Variants in MRPS9 observed in about 807,000 individuals in gnomAD.
MRPS9 encodes mitochondrial ribosomal protein S9.
A neutral mutation model predicts 59.9 loss-of-function variants in MRPS9; 45 were observed. That is an observed-to-expected ratio of 0.75 (90% CI 0.59 to 0.96). MRPS9 has a LOEUF of 0.96. MRPS9 is among the 40% of genes least tolerant of loss of function. MRPS9 has a pLI of 0.00. For missense variants in MRPS9, 473 were observed against 481.1 expected, an observed-to-expected ratio of 0.98 and a Z score of 0.16; for synonymous variants, 171 against 166.8, an observed-to-expected ratio of 1.03 and a Z score of -0.19.
intron 2 of MRPS9, among the ~76,000 whole-genome samples, chr2:105,068,088 G>C (rs1035697830): frequency 6.6e-6 from 1 of 152,100 alleles, no homozygotes; most frequent in African/African-American, 2.4e-5. Flanking sequence ...CTTACACCTA[G>C]AATCAGCCAT....
At chr2:105,078,315 A>AGTGTGTGT (rs71250682) in intron 4 of MRPS9, among the ~76,000 whole-genome samples, 2,939 of 147,436 alleles carry the variant, frequency 0.02, 89 homozygotes, top group African/African-American at 0.056. Context: ...GGTGAAGTCA[A>AGTGTGTGT]GTGTGTGTGT....
chr2:105,063,499 AAG>A (rs1332431126), intron 2 of MRPS9, among the ~76,000 whole-genome samples: 4 of 152,222 alleles, frequency 2.6e-5, no homozygotes, highest in African/African-American at 7.2e-5. Context: ...CATACAGAAA[AAG>A]AGAATGTCTG....
chr2:105,093,643 G>A lies in MRPS9; in HGVS notation c.929+5G>A, dbSNP rs745401625. 4.0e-5 allele frequency: 61 copies of A among 1,525,560 alleles called. No homozygotes were observed. Among genetic ancestry groups the A allele is most frequent in the African/African-American group, 9.8e-5 (7 of 71,758 alleles). The allele number at this position is 1,525,560 out of a possible 1,614,324, so 94.5% of individuals were successfully genotyped here. On this transcript the variant is annotated splice_donor_5th_base_variant and intron_variant, in intron 9 of 10. Transcript: ENST00000258455. ...CTTCCCGATCACACAGGACAGGTTC[G>A]TTTTGGGTTCTGATTTTTTGTTTTT...
intron 10 of MRPS9, chr2:105,098,130 C>A (rs1456528605): frequency 6.6e-6 from 1 of 152,154 alleles, no homozygotes; most frequent in Non-Finnish European, 1.5e-5. Context: ...CTCTGTGTAA[C>A]CCTGTTACCT....
intron 9 of MRPS9, 22 bp from the exon 10 acceptor site, chr2:105,097,133 A>C (rs1680677575): frequency 6.8e-7 from 1 of 1,465,968 alleles, no homozygotes; most frequent in Non-Finnish European, 9.1e-7. Context: ...ACGTAACCAC[A>C]TTTACTTGTG....
At chr2:105,096,632 T>TCA (rs1156623775) in intron 9 of MRPS9, among the ~76,000 whole-genome samples, 1 of 152,178 alleles carries the variant, frequency 6.6e-6, no homozygotes, top group African/African-American at 2.4e-5. Context: ...GTGTTTGGTG[T>TCA]CAGGGAAGTG....
Position 105,080,049 on chromosome 2 carries a change from A to G in MRPS9, c.476A>G (p.Tyr159Cys), listed in dbSNP as rs764645292. ...YLFYTGKQSY[Y>C]SLMHDVYGML... ...TTCTATACTGGCAAACAGTCATACTATTCATTAATGCATGTAAGTATATTG... is the reference window on the plus strand; with the variant it reads ...TTCTATACTGGCAAACAGTCATACTGTTCATTAATGCATGTAAGTATATTG... The change falls in exon 5 of 11, where the codon TAT (tyrosine) becomes TGT (cysteine). Residue 159 changes from tyrosine to cysteine, a missense_variant. By Grantham distance (194) the Tyr-to-Cys change is radical. Coordinates refer to ENST00000258455, the MANE Select transcript of MRPS9 (RefSeq NM_182640.3). 1.2e-6 allele frequency: 2 copies of G among 1,604,264 alleles called. No individual in the cohort carries two copies. The highest frequency in any genetic ancestry group is 1.7e-6 in the Non-Finnish European group (2 of 1,172,986).
chr2:105,093,194 T>C (rs1680594500), intron 8 of MRPS9, among the ~76,000 whole-genome samples: 1 of 152,212 alleles, frequency 6.6e-6, no homozygotes, highest in Admixed American at 6.5e-5. Flanking sequence ...ATATTCTTAC[T>C]GTTTATAAAA....
chr2:105,045,006 T>C, intron 1 of MRPS9, among the ~76,000 whole-genome samples: 1 of 152,012 alleles, frequency 6.6e-6, no homozygotes, highest in East Asian at 1.9e-4. Context: ...AGCTAAAAAT[T>C]CATAGTGGCT....
At chr2:105,083,170 C>CA (rs1239165700) in intron 5 of MRPS9, among the ~76,000 whole-genome samples, 1 of 152,078 alleles carries the variant, frequency 6.6e-6, no homozygotes, top group Non-Finnish European at 1.5e-5. Context: ...TTTCCTGAAA[C>CA]AATTGAGCAA....
rs1679433759 is a variant in MRPS9, at chr2:105,038,444, G to A, written c.135+217G>A. 6.8e-6 allele frequency: 4 copies of A among 588,120 alleles called. 1 individual carries two copies. The South Asian group carries it at 8.1e-5, about 12-fold the overall frequency. The allele number at this position is 588,120 out of a possible 1,614,324, so 36.4% of individuals were successfully genotyped here. On this transcript the variant is annotated intron_variant, in intron 1 of 10. Coordinates refer to ENST00000258455, the MANE Select transcript of MRPS9 (RefSeq NM_182640.3). Reference sequence around the variant, plus strand: ...TTGTTTTTTTGCGGGGTGCAGCGAGGGGAACTTACCTGAAGGTAGAAGTGG... The same window carrying A: ...TTGTTTTTTTGCGGGGTGCAGCGAGAGGAACTTACCTGAAGGTAGAAGTGG...
chr2:105,073,321 T>TGCAAACTTCTAAATG (rs772916180), intron 4 of MRPS9, among the ~76,000 whole-genome samples: 11 of 152,282 alleles, frequency 7.2e-5, no homozygotes, highest in Non-Finnish European at 1.5e-4. Context: ...CTTCTATATA[T>TGCAAACTTCTAAATG]CCCTGCAAAA....
chr2:105,043,929 G>A lies in MRPS9; in HGVS notation c.136-5242G>A, dbSNP rs376196176. On this transcript the variant is annotated intron_variant, in intron 1 of 10. Transcript: ENST00000258455. ...ATTACAGGCGTGAGTCACCACGCCC[G>A]GCTGCAATTTTTTTTTTTTTTTCTA... is the stretch of plus-strand genomic sequence containing the variant. Among the ~76,000 whole-genome samples the A allele has an allele frequency of 3.0e-3, 444 of 149,968 alleles. 2 individuals carry two copies. The highest frequency in any genetic ancestry group is 0.01 in the African/African-American group (426 of 40,728).
intron 2 of MRPS9, among the ~76,000 whole-genome samples, chr2:105,055,573 A>G (rs1450221851): frequency 6.7e-6 from 1 of 150,294 alleles, no homozygotes; most frequent in Admixed American, 6.7e-5. Flanking sequence ...ATTGCATTTT[A>G]TTAAATATAG....
At chr2:105,099,565 A>C (rs1680745696) in intron 10 of MRPS9, 105 bp from the exon 11 acceptor site, 2 of 1,020,484 alleles carry the variant, frequency 2.0e-6, no homozygotes, top group Admixed American at 5.5e-5. Context: ...GCTTTCCTCT[A>C]GTTTTTTTTC....
chr2:105,087,800 T>TTTCCTTCCGTCCTTCCTTCC, intron 5 of MRPS9, among the ~76,000 whole-genome samples: 1 of 138,698 alleles, frequency 7.2e-6, no homozygotes, highest in Non-Finnish European at 1.6e-5. Context: ...TCCTGCCTTT[T>TTTCCTTCCGTCCTTCCTTCC]TTCCTTCCTT....
chr2:105,080,976 C>G (rs1260017294), intron 5 of MRPS9, among the ~76,000 whole-genome samples: 2 of 152,018 alleles, frequency 1.3e-5, no homozygotes, highest in Non-Finnish European at 2.9e-5. Context: ...CTTGCCCTGG[C>G]AGAAATGAAA....
At chr2:105,082,919 A>G (rs1289361641) in intron 5 of MRPS9, among the ~76,000 whole-genome samples, 1 of 152,232 alleles carries the variant, frequency 6.6e-6, no homozygotes, top group East Asian at 1.9e-4. Context: ...AACCATAGTA[A>G]CAAATGATTT....
intron 5 of MRPS9, among the ~76,000 whole-genome samples, chr2:105,087,800 T>TTTCCTTCCTTCCTTCC (rs59753300): frequency 0.12 from 16,745 of 137,570 alleles, 1,437 homozygotes; most frequent in African/African-American, 0.19. Context: ...TCCTGCCTTT[T>TTTCCTTCCTTCCTTCC]TTCCTTCCTT....
Sources: allele counts gnomAD v4.1 joint callset (sites outside exome capture counted in the v4.1 genomes callset), GRCh38; gene constraint gnomAD v4.1.1; transcripts MANE v1.5; gene names NCBI Gene and HGNC (gene_info 2026-07-23, HGNC 2026-07-21).